Variants in DAGLA observed in about 807,000 individuals in gnomAD.
DAGLA encodes diacylglycerol lipase-alpha.
Under a neutral mutation model 102.6 loss-of-function variants are expected in DAGLA, and 22 were observed. That is an observed-to-expected ratio of 0.21 (90% CI 0.15 to 0.31). The LOEUF is 0.31. Among genes scored for constraint, DAGLA ranks in the 10% least tolerant of loss-of-function variants. The pLI is 1.00. For missense variants in DAGLA, 927 were observed against 1,446.6 expected, an observed-to-expected ratio of 0.64 and a Z score of 5.83; for synonymous variants, 578 against 628.9, an observed-to-expected ratio of 0.92 and a Z score of 1.21.
At chr11:61,712,574 C>A (rs1404569407) in intron 1 of DAGLA, among the ~76,000 whole-genome samples, 4 of 152,218 alleles carry the variant, frequency 2.6e-5, no homozygotes, top group Non-Finnish European at 4.4e-5. Flanking sequence ...TGGGCAGGCT[C>A]CGCTCTGCCT....
chr11:61,726,891 G>C (rs1053877733), intron 6 of DAGLA, among the ~76,000 whole-genome samples: 1 of 152,254 alleles, frequency 6.6e-6, no homozygotes, highest in African/African-American at 2.4e-5. Flanking sequence ...AGCCCCCGAG[G>C]TTCCCTGGTG....
At position 61,734,767 on chromosome 11, in the gene DAGLA, A is replaced by C. The variant is rs1262708338; in HGVS notation, c.975-82A>C. 2 of 1,420,222 alleles carry C rather than the reference A, an allele frequency of 1.4e-6. No homozygotes were observed. The highest frequency in any genetic ancestry group is 1.8e-5 in the Admixed American group (1 of 55,662). The allele number at this position is 1,420,222 out of a possible 1,614,324, so 88.0% of individuals were successfully genotyped here. ...CAGTGGGGCTGAATGCCCAACTGGAACTGGTTCCAGGGACAGTGGCAGGAG... is the reference window on the plus strand; with the variant it reads ...CAGTGGGGCTGAATGCCCAACTGGACCTGGTTCCAGGGACAGTGGCAGGAG... On this transcript the variant is annotated intron_variant, in intron 9 of 19. Transcript: ENST00000257215. The surrounding 1 kb of genome is among the most constrained non-coding windows in gnomAD (Gnocchi z 4.2).
chr11:61,706,043 C>G (rs1220082200), intron 1 of DAGLA, among the ~76,000 whole-genome samples: 6 of 152,186 alleles, frequency 3.9e-5, no homozygotes, highest in African/African-American at 1.4e-4. Context: ...AGCGTGCTAC[C>G]AAATGGAAGA....
intron 19 of DAGLA, 26 bp downstream of exon 19, chr11:61,741,375 A>C: frequency 6.3e-7 from 1 of 1,593,956 alleles, no homozygotes; most frequent in Non-Finnish European, 8.5e-7. Flanking sequence ...TCCCAGCCCC[A>C]CCCCAGGGTG....
chr11:61,720,693 C>G lies in DAGLA; in HGVS notation c.110C>G (p.Ser37Cys). 1 of 1,613,742 alleles carries G rather than the reference C, an allele frequency of 6.2e-7. No individual in the cohort carries two copies. The highest frequency in any genetic ancestry group is 1.3e-5 in the African/African-American group (1 of 75,038). The stretch of plus-strand genomic sequence containing the variant: ...TCCTGTGACAGGTTTGTGATCCTGT[C>G]CGTGGTGCTCTTCGGCCTGGTCTAT... ...LLHTTWFVIL[S>C]VVLFGLVYNP... The change falls in exon 3 of 20, where the codon TCC (serine) becomes TGC (cysteine). Residue 37 changes from serine (S) to cysteine (C), a missense_variant. By Grantham distance (112) the Ser-to-Cys change is moderately radical. Coordinates refer to ENST00000257215, the MANE Select transcript of DAGLA (RefSeq NM_006133.3).
At position 61,739,480 on chromosome 11, in the gene DAGLA, G is replaced by A; in HGVS notation, c.1672G>A (p.Gly558Arg). 6.2e-7 allele frequency: 1 copy of A among 1,613,776 alleles called. No individual in the cohort carries two copies. The highest frequency in any genetic ancestry group is 1.7e-5 in the Admixed American group (1 of 60,018). Reference protein sequence around the residue: ...STKPKWRIIVGATKCIPKSEL... With the variant: ...STKPKWRIIVRATKCIPKSEL... ...CCCCGCGCAGTGGCGGATCATCGTG[G>A]GGGCCACCAAATGCATCCCCAAGTC... is the stretch of plus-strand genomic sequence containing the variant. Residue 558 changes from glycine (G) to arginine (R), a missense_variant, in exon 17 of 20, where the codon GGG becomes AGG. Physicochemically the swap from Gly to Arg is moderately radical, Grantham distance 125. Around this residue, in one of 4 missense-constraint regions of DAGLA, gnomAD observed 218 missense variants for 459.6 expected, o/e 0.47. Coordinates refer to ENST00000257215, the MANE Select transcript of DAGLA (RefSeq NM_006133.3).
chr11:61,704,965 G>A (rs1049778976), intron 1 of DAGLA, among the ~76,000 whole-genome samples: 1 of 152,166 alleles, frequency 6.6e-6, no homozygotes, highest in African/African-American at 2.4e-5. Flanking sequence ...TCCTGAGTGG[G>A]ACTCCTGGAC....
intron 1 of DAGLA, among the ~76,000 whole-genome samples, chr11:61,715,003 T>G (rs1442417473): frequency 1.3e-5 from 2 of 152,122 alleles, no homozygotes; most frequent in Non-Finnish European, 2.9e-5. Flanking sequence ...CTCCTGATAA[T>G]TCGGAGGTAG....
rs775584061 is a variant in DAGLA at position 61,738,229 on chromosome 11, C to G, written c.1656+22C>G. On this transcript the variant is annotated intron_variant, in intron 16 of 19. Coordinates refer to ENST00000257215, the MANE Select transcript of DAGLA (RefSeq NM_006133.3). ...CAAAGTGAGCCCCCACCTGGGCACC[C>G]TGCCTCTGTGCAGCCTCATCTGTCC... 8 of 1,599,500 alleles carry G rather than the reference C, an allele frequency of 5.0e-6. No individual in the cohort carries two copies. In the East Asian group the frequency reaches 1.8e-4, roughly 36 times the overall value.
chr11:61,742,536 G>A (rs2065489425), intron 19 of DAGLA, among the ~76,000 whole-genome samples: 1 of 152,170 alleles, frequency 6.6e-6, no homozygotes, highest in African/African-American at 2.4e-5. Flanking sequence ...CCCACTCCCT[G>A]CCCTGTCACT....
chr11:61,735,061 G>A (rs767327845), intron 10 of DAGLA, 59 bp downstream of exon 10: 7 of 1,577,646 alleles, frequency 4.4e-6, no homozygotes, highest in Non-Finnish European at 6.1e-6. Flanking sequence ...GGCCTAGGGT[G>A]CTGAGGCTAT....
chr11:61,729,823 A>T (rs2065359591), intron 8 of DAGLA, among the ~76,000 whole-genome samples: 1 of 151,894 alleles, frequency 6.6e-6, no homozygotes, highest in Non-Finnish European at 1.5e-5. Flanking sequence ...CTGCAATCCC[A>T]GCACTTTGGG....
chr11:61,714,156 C>G (rs2135574049), intron 1 of DAGLA, among the ~76,000 whole-genome samples: 1 of 152,318 alleles, frequency 6.6e-6, no homozygotes, highest in Middle Eastern at 3.4e-3. Flanking sequence ...GTGCAATGGA[C>G]TCATCCTCCC....
Position 61,744,077 on chromosome 11 carries a change from C to G in DAGLA, c.2717C>G (p.Pro906Arg). ...ALHNGRLGDS[P>R]SPQVLEFAEF... ...CACAATGGGCGCCTGGGGGACTCGC[C>G]CAGTCCTCAGGTGCTGGAATTCGCC... Residue 906 changes from proline to arginine, a missense_variant, in exon 20 of 20, where the codon CCC (proline) becomes CGC (arginine). Transcript: ENST00000257215. The G allele has an allele frequency of 4.3e-6, 7 of 1,612,862 alleles. No individual in the cohort carries two copies. Among genetic ancestry groups the G allele is most frequent in the Non-Finnish European group, 5.1e-6 (6 of 1,179,954 alleles).
intron 16 of DAGLA, 75 bp from the exon 17 acceptor site, chr11:61,739,390 T>C: frequency 7.3e-7 from 1 of 1,368,764 alleles, no homozygotes; most frequent in Non-Finnish European, 1.0e-6. Flanking sequence ...GCCCCCCTTC[T>C]CGGTCCCCCT....
chr11:61,728,376 C>T (rs948649526), intron 7 of DAGLA, 89 bp downstream of exon 7: 42 of 1,518,422 alleles, frequency 2.8e-5, no homozygotes, highest in Non-Finnish European at 3.4e-5. Context: ...GCGGAGGGCT[C>T]GGCTCCCACG....
At chr11:61,716,948 G>A (rs1339039295) in intron 1 of DAGLA, among the ~76,000 whole-genome samples, 1 of 152,080 alleles carries the variant, frequency 6.6e-6, no homozygotes, top group African/African-American at 2.4e-5. Context: ...CCTGTGCTGG[G>A]GGTCCAACCA....
At chr11:61,713,551 A>G (rs2135573398) in intron 1 of DAGLA, among the ~76,000 whole-genome samples, 1 of 152,362 alleles carries the variant, frequency 6.6e-6, no homozygotes, top group South Asian at 2.1e-4. Flanking sequence ...CAGTTTCACC[A>G]GTGCAGAGAG....
intron 1 of DAGLA, among the ~76,000 whole-genome samples, chr11:61,717,759 C>A (rs1340939392): frequency 6.6e-6 from 1 of 152,152 alleles, no homozygotes; most frequent in African/African-American, 2.4e-5. Context: ...CCCCAGGAGC[C>A]CCGCCTCATA....
Sources: gnomAD v4.1 joint callset for allele counts (sites outside exome capture counted in the v4.1 genomes callset) on GRCh38, gnomAD v4.1.1 for gene constraint, gnomAD v4.1.1 regional missense constraint, Gnocchi (gnomAD v3.1) non-coding constraint, MANE v1.5 for transcripts, NCBI Gene and HGNC (gene_info 2026-07-23, HGNC 2026-07-21) for gene names.